CFAP47: variants seen among roughly 807,000 people sequenced by gnomAD.
The protein encoded by CFAP47 is cilia and flagella associated protein 47.
CFAP47 carries 29 observed loss-of-function variants against 148.1 expected under a neutral mutation model. That is an observed-to-expected ratio of 0.20 (90% CI 0.15 to 0.27). The LOEUF (loss-of-function observed/expected upper bound fraction) is 0.27, where lower values mean the gene tolerates loss of function less well. CFAP47 is among the 10% of genes least tolerant of loss of function. The pLI, the probability that CFAP47 is intolerant of heterozygous loss-of-function variation, is 1.00. For missense variants in CFAP47, 1,872 were observed against 1,697.5 expected, an observed-to-expected ratio of 1.10 and a Z score of -1.81; for synonymous variants, 664 against 577.3, an observed-to-expected ratio of 1.15 and a Z score of -2.15.
At chrX:36,360,650 T>G (rs949723940) in intron 60 of CFAP47, among the ~76,000 whole-genome samples, 1 of 112,003 alleles carries the variant, frequency 8.9e-6, no homozygotes, top group Non-Finnish European at 1.9e-5. Flanking sequence ...TTGGGCTCCT[T>G]ACATATAACT....
At chrX:36,002,347 G>T (rs1044543901) in intron 21 of CFAP47, among the ~76,000 whole-genome samples, 1 of 110,807 alleles carries the variant, frequency 9.0e-6, no homozygotes, top group Admixed American at 9.6e-5. Flanking sequence ...AGCACTTTGG[G>T]AGGCCGATGC....
intron 56 of CFAP47, among the ~76,000 whole-genome samples, chrX:36,311,684 G>C (rs1556010039): frequency 9.0e-6 from 1 of 110,774 alleles, no homozygotes; most frequent in Non-Finnish European, 1.9e-5. Context: ...TTACTCTCCA[G>C]AATGTTTATA....
rs12687301 is a variant in CFAP47, at chrX:36,080,687, A to G, written c.4692-4627A>G. ...GAGCAAACTATCACAAGGACAGAAA[A>G]CCAAACACCGCATGTTCTCACTCGT... On this transcript the variant is annotated intron_variant, in intron 29 of 63. Coordinates refer to ENST00000378653, the MANE Select transcript of CFAP47 (RefSeq NM_001304548.2). Among the ~76,000 whole-genome samples the G allele has an allele frequency of 7.4e-3, 821 of 111,488 alleles. 24 individuals carry two copies. Among genetic ancestry groups the G allele is most frequent in the Admixed American group, 0.071 (748 of 10,463 alleles).
At chrX:36,023,011 C>T (rs1367432653) in intron 22 of CFAP47, among the ~76,000 whole-genome samples, 1 of 111,755 alleles carries the variant, frequency 8.9e-6, no homozygotes, top group Admixed American at 9.5e-5. Flanking sequence ...CCTGGGTGGT[C>T]CTGATACTTG....
At chrX:36,208,668 C>A (rs1940065968) in intron 45 of CFAP47, among the ~76,000 whole-genome samples, 1 of 111,597 alleles carries the variant, frequency 9.0e-6, no homozygotes, top group African/African-American at 3.3e-5. Context: ...TAAACTAATC[C>A]TTAAAACATA....
intron 61 of CFAP47, among the ~76,000 whole-genome samples, chrX:36,364,617 A>T: frequency 9.2e-6 from 1 of 109,216 alleles, no homozygotes; most frequent in African/African-American, 3.3e-5. Flanking sequence ...TAATAAATGC[A>T]GAAGTCGTAA....
intron 21 of CFAP47, among the ~76,000 whole-genome samples, chrX:36,003,967 CTTTTTTTTTTTTTT>C (rs761024902): frequency 1.5e-5 from 1 of 66,394 alleles, no homozygotes; most frequent in African/African-American, 6.7e-5. Flanking sequence ...CTTTCTTTTT[CTTTTTTTTTTTTTT>C]TTTTTTTTTT....
At chrX:35,940,023 A>C (rs1163631594) in intron 2 of CFAP47, among the ~76,000 whole-genome samples, 1 of 110,390 alleles carries the variant, frequency 9.1e-6, no homozygotes, top group Non-Finnish European at 1.9e-5. Context: ...TGTGGTTTTG[A>C]TTTGCATTTC....
intron 15 of CFAP47, among the ~76,000 whole-genome samples, chrX:35,978,848 A>T (rs1238661332): frequency 8.9e-6 from 1 of 112,059 alleles, no homozygotes; most frequent in Non-Finnish European, 1.9e-5. Context: ...TATTTTTATA[A>T]ACTGAAATGA....
chrX:36,218,647 A>G (rs1940183231), intron 45 of CFAP47, among the ~76,000 whole-genome samples: 1 of 111,952 alleles, frequency 8.9e-6, no homozygotes, highest in African/African-American at 3.2e-5. Flanking sequence ...GTTTATTCTG[A>G]GCCAATATGA....
chrX:36,119,321 A>AT (rs1276461000), intron 33 of CFAP47, among the ~76,000 whole-genome samples: 1 of 111,725 alleles, frequency 9.0e-6, no homozygotes, highest in Non-Finnish European at 1.9e-5. Flanking sequence ...TTGAAATGGT[A>AT]TTTTTTTAAT....
chrX:36,055,609 G>T (rs1349295738), intron 26 of CFAP47, among the ~76,000 whole-genome samples: 1 of 111,823 alleles, frequency 8.9e-6, no homozygotes, highest in Admixed American at 9.5e-5. Flanking sequence ...CTTTGCTATT[G>T]TGAATAGTGC....
chrX:35,965,815 G>A (rs1014693461), intron 8 of CFAP47, among the ~76,000 whole-genome samples: 2 of 110,949 alleles, frequency 1.8e-5, no homozygotes, highest in Admixed American at 9.6e-5. Flanking sequence ...TGGCTACTAG[G>A]CTAATGGTTT....
intron 57 of CFAP47, among the ~76,000 whole-genome samples, chrX:36,332,156 A>T (rs73199373): frequency 0.058 from 6,478 of 111,815 alleles, 165 homozygotes; most frequent in Middle Eastern, 0.13. Flanking sequence ...GATTACTTCC[A>T]ACCTTTATTT....
Position 36,328,816 on chromosome X carries a change from C to CAAA in CFAP47, c.8443+9526_8443+9528dup, listed in dbSNP as rs782618340. ...TGGGTGACAGAGCGAGACTCTGTCT[C>CAAA]AAAAAAAAAAAAAAAAAAAGAAAAG... On this transcript the variant is annotated intron_variant, in intron 57 of 63. Transcript: ENST00000378653. Among the ~76,000 whole-genome samples, 556 of 56,359 alleles carry CAAA rather than the reference C, an allele frequency of 9.9e-3. 27 individuals are homozygous for CAAA. The highest frequency in any genetic ancestry group is 0.025 in the African/African-American group (364 of 14,441). 48.9% of individuals were successfully genotyped at this position (56,359 alleles called of 115,157 possible). A position where few individuals can be genotyped will look rare whatever the true frequency, so the allele number is the denominator to read the frequency against.
At chrX:36,167,217 C>T (rs887726728) in intron 39 of CFAP47, among the ~76,000 whole-genome samples, 3 of 111,157 alleles carry the variant, frequency 2.7e-5, no homozygotes, top group African/African-American at 9.8e-5. Flanking sequence ...ATTCAACTTT[C>T]GCTTGAATTT....
intron 40 of CFAP47, among the ~76,000 whole-genome samples, chrX:36,183,957 T>G (rs938783482): frequency 4.5e-5 from 5 of 110,996 alleles, no homozygotes; most frequent in Non-Finnish European, 9.4e-5. Context: ...ATTTAATCAT[T>G]CAACATATTC....
At position 35,966,734 on chromosome X, in the gene CFAP47, T is replaced by C. The variant is rs1021919770; in HGVS notation, c.1580T>C (p.Val527Ala). ...NSICKASTKK[V>A]VMKFDPGILP... ...ATCTGTAAAGCTTCCACCAAGAAAG[T>C]TGTGATGAAATTTGATCCTGGTATG... The change falls in exon 9 of 64, where the codon GTT becomes GCT. Residue 527 changes from valine (V) to alanine (A), a missense_variant. By Grantham distance (64) the Val-to-Ala change is moderately conservative. Transcript: ENST00000378653. The C allele has an allele frequency of 1.8e-6, 2 of 1,132,919 alleles. No homozygotes were observed. The highest frequency in any genetic ancestry group is 2.3e-6 in the Non-Finnish European group (2 of 852,793). 93.4% of individuals were successfully genotyped at this position (1,132,919 alleles called of 1,213,427 possible). A position where few individuals can be genotyped will look rare whatever the true frequency, so the allele number is the denominator to read the frequency against.
At chrX:36,250,864 G>A (rs1329929184) in intron 48 of CFAP47, among the ~76,000 whole-genome samples, 4 of 111,104 alleles carry the variant, frequency 3.6e-5, no homozygotes, top group Non-Finnish European at 5.7e-5. Context: ...GAAGATATAA[G>A]CACGCAGTAA....
Sources: allele counts gnomAD v4.1 joint callset (sites outside exome capture counted in the v4.1 genomes callset), GRCh38; gene constraint gnomAD v4.1.1; transcripts MANE v1.5; gene names NCBI Gene and HGNC (gene_info 2026-07-23, HGNC 2026-07-21).